Variants in PWWP3B observed in about 807,000 individuals in gnomAD.
PWWP3B encodes PWWP domain containing 3B.
Under a neutral mutation model 15.7 loss-of-function variants are expected in PWWP3B, and 5 were observed. That is an observed-to-expected ratio of 0.32 (90% CI 0.17 to 0.67). The LOEUF is 0.67. PWWP3B is among the 30% of genes least tolerant of loss of function. PWWP3B has a pLI of 0.74. For synonymous variants in PWWP3B, 203 were observed against 179.8 expected, an observed-to-expected ratio of 1.13 and a Z score of -1.03; for missense variants, 519 against 493.1, an observed-to-expected ratio of 1.05 and a Z score of -0.50.
chrX:106,205,453 A>G lies in PWWP3B; in HGVS notation c.21A>G (p.Leu7=), dbSNP rs186011816. 1,192 of 1,171,422 alleles carry G rather than the reference A, an allele frequency of 1.0e-3. 14 individuals are homozygous for G. In the African/African-American group the frequency reaches 0.018, roughly 17 times the overall value. Residue 7 remains leucine, a synonymous_variant, in exon 4 of 4, where the codon CTA becomes CTG. Transcript: ENST00000357175. ...CCATAATGGAGTCTGAGTATGTCCT[A>G]TGCAACTGGAAAGACCAGTTGTGGC... The part of the protein sequence containing the change: MESEYV[L]CNWKDQLWPA...
rs187800795 is a variant in PWWP3B, at chrX:106,197,302, A to G, written c.-400-6683A>G. 3.6e-5 allele frequency among the ~76,000 whole-genome samples: 4 copies of G among 111,697 alleles called. No individual in the cohort carries two copies. In the East Asian group the frequency reaches 1.1e-3, roughly 32 times the overall value. On this transcript the variant is annotated intron_variant, in intron 2 of 3. Transcript: ENST00000357175. Reference sequence around the variant, plus strand: ...CCCTTCTACTTCTCCCTGAGCAGCAATGGATCTCTGCCTTTGTCCTGGAAA... The same window carrying G: ...CCCTTCTACTTCTCCCTGAGCAGCAGTGGATCTCTGCCTTTGTCCTGGAAA...
chrX:106,193,336 GT>G (rs772046982), intron 2 of PWWP3B, among the ~76,000 whole-genome samples: 152 of 111,182 alleles, frequency 1.4e-3, no homozygotes, highest in African/African-American at 4.6e-3. Context: ...TTTAAAGTCT[GT>G]TTTATCCGAG....
rs1923854781 is a variant in PWWP3B at position 106,204,098 on chromosome X, G to A, written c.-287G>A. 1 of 111,905 alleles carries A rather than the reference G, an allele frequency of 8.9e-6. No individual in the cohort carries two copies. The highest frequency in any genetic ancestry group is 9.5e-5 in the Admixed American group (1 of 10,507). 9.2% of individuals were successfully genotyped at this position (111,905 alleles called of 1,213,427 possible). A position where few individuals can be genotyped will look rare whatever the true frequency, so the allele number is the denominator to read the frequency against. On this transcript the variant is annotated 5_prime_UTR_variant, in exon 3 of 4. Transcript: ENST00000357175. ...GCCGAGCTGGGTAAAGGCCCTGCTG[G>A]ACAAGCAGTTGGAGTGAGAATCAAG...
Position 106,207,589 on chromosome X carries a change from C to T in PWWP3B, c.*66C>T. ...ATACTAGTTGAAAAAAGTCTCTGAA[C>T]AATTCTCTCTAATACATATTTTCTG... On this transcript the variant is annotated 3_prime_UTR_variant, in exon 4 of 4. Coordinates refer to ENST00000357175, the MANE Select transcript of PWWP3B (RefSeq NM_001171020.2). The T allele has an allele frequency of 9.7e-7, 1 of 1,031,592 alleles. No individual in the cohort carries two copies. Among genetic ancestry groups the T allele is most frequent in the Non-Finnish European group, 1.3e-6 (1 of 785,057 alleles). The allele number at this position is 1,031,592 out of a possible 1,213,427, so 85.0% of individuals were successfully genotyped here. A position where few individuals can be genotyped will look rare whatever the true frequency, so the allele number is the denominator to read the frequency against.
At chrX:106,194,245 C>T (rs5962320) in intron 2 of PWWP3B, among the ~76,000 whole-genome samples, 18,105 of 110,675 alleles carry the variant, frequency 0.16, 3,677 homozygotes, top group African/African-American at 0.57. Context: ...CATTTCTTTT[C>T]ATTCTTTTTT....
chrX:106,169,395 A>G (rs1312258558), intron 1 of PWWP3B, among the ~76,000 whole-genome samples: 2 of 112,322 alleles, frequency 1.8e-5, no homozygotes, highest in East Asian at 5.5e-4. Context: ...GGGTTTGAGT[A>G]CTGATGATGT....
At chrX:106,175,421 T>C (rs1921850256) in intron 2 of PWWP3B, among the ~76,000 whole-genome samples, 1 of 108,518 alleles carries the variant, frequency 9.2e-6, no homozygotes, top group Non-Finnish European at 1.9e-5. Flanking sequence ...TTTGTATTTT[T>C]AGTAGAGACG....
intron 2 of PWWP3B, among the ~76,000 whole-genome samples, chrX:106,176,652 TA>T (rs1271510769): frequency 8.9e-6 from 1 of 112,731 alleles, no homozygotes; most frequent in Non-Finnish European, 1.9e-5. Flanking sequence ...TTTGTTCTTA[TA>T]TTTTCAAATT....
chrX:106,205,306 C>T lies in PWWP3B; in HGVS notation c.-127C>T. ...GAACAGGCCACACAAGCTGTAAACC[C>T]TTTGTAGTCATAAGACGAAAGAGGA... On this transcript the variant is annotated 5_prime_UTR_variant, in exon 4 of 4. Coordinates refer to ENST00000357175, the MANE Select transcript of PWWP3B (RefSeq NM_001171020.2). The T allele has an allele frequency of 1.5e-6, 1 of 664,813 alleles. No individual in the cohort carries two copies. Among genetic ancestry groups the T allele is most frequent in the Non-Finnish European group, 2.2e-6 (1 of 458,444 alleles). 54.8% of individuals were successfully genotyped at this position (664,813 alleles called of 1,213,427 possible). A position where few individuals can be genotyped will look rare whatever the true frequency, so the allele number is the denominator to read the frequency against.
intron 2 of PWWP3B, among the ~76,000 whole-genome samples, chrX:106,183,602 G>T (rs764881345): frequency 2.7e-5 from 3 of 112,223 alleles, no homozygotes; most frequent in African/African-American, 9.7e-5. Flanking sequence ...CATAAGAAAG[G>T]CATGTGAAAA....
chrX:106,183,829 G>A (rs1167938398), intron 2 of PWWP3B, among the ~76,000 whole-genome samples: 3 of 112,252 alleles, frequency 2.7e-5, no homozygotes, highest in African/African-American at 6.5e-5. Context: ...ATGAGCTGGC[G>A]CTTGTCCTGG....
At chrX:106,178,348 A>G (rs1287116937) in intron 2 of PWWP3B, among the ~76,000 whole-genome samples, 3 of 112,641 alleles carry the variant, frequency 2.7e-5, no homozygotes, top group Admixed American at 9.4e-5. Context: ...GACAAATGAA[A>G]GTATGAACTT....
chrX:106,192,633 TA>T (rs1287827947), intron 2 of PWWP3B, among the ~76,000 whole-genome samples: 1 of 110,926 alleles, frequency 9.0e-6, no homozygotes, highest in Non-Finnish European at 1.9e-5. Context: ...ATTGTGATGT[TA>T]GGTTGTCAAT....
In PWWP3B at chrX:106,205,375, A is replaced by G; in HGVS notation, c.-58A>G. 9.6e-7 allele frequency: 1 copy of G among 1,036,848 alleles called. No individual in the cohort carries two copies. The allele number at this position is 1,036,848 out of a possible 1,213,427, so 85.4% of individuals were successfully genotyped here. A position where few individuals can be genotyped will look rare whatever the true frequency, so the allele number is the denominator to read the frequency against. ...TTGGGTAGAACTTGCATTAGCAGTG[A>G]CAAAGATAGCCACCTCAACCTTTGG... On this transcript the variant is annotated 5_prime_UTR_variant, in exon 4 of 4. Coordinates refer to ENST00000357175, the MANE Select transcript of PWWP3B (RefSeq NM_001171020.2).
At chrX:106,202,821 TAAG>T (rs1448432059) in intron 2 of PWWP3B, among the ~76,000 whole-genome samples, 1 of 112,355 alleles carries the variant, frequency 8.9e-6, no homozygotes, top group Non-Finnish European at 1.9e-5. Flanking sequence ...TGTTCTCACT[TAAG>T]AATAAATATG....
chrX:106,199,402 G>GA (rs1158789702), intron 2 of PWWP3B, among the ~76,000 whole-genome samples: 2 of 111,241 alleles, frequency 1.8e-5, no homozygotes, highest in East Asian at 2.8e-4. Context: ...TCTAGTACTA[G>GA]AAAAAAAGAC....
chrX:106,196,448 A>G (rs996774889), intron 2 of PWWP3B, among the ~76,000 whole-genome samples: 2 of 111,840 alleles, frequency 1.8e-5, no homozygotes, highest in African/African-American at 6.5e-5. Flanking sequence ...GATGTCTTTA[A>G]TCAGGTTGAG....
chrX:106,182,552 C>T (rs1166770310), intron 2 of PWWP3B, among the ~76,000 whole-genome samples: 2 of 111,452 alleles, frequency 1.8e-5, no homozygotes, highest in Admixed American at 9.5e-5. Context: ...TTTTCATTTT[C>T]CCATACTAAT....
chrX:106,202,681 G>T (rs770806758), intron 2 of PWWP3B, among the ~76,000 whole-genome samples: 1 of 111,474 alleles, frequency 9.0e-6, no homozygotes, highest in African/African-American at 3.3e-5. Context: ...AGAGGATTTG[G>T]TTTATTTCTA....
Sources: allele counts gnomAD v4.1 joint callset (sites outside exome capture counted in the v4.1 genomes callset), GRCh38; gene constraint gnomAD v4.1.1; transcripts MANE v1.5; gene names NCBI Gene and HGNC (gene_info 2026-07-23, HGNC 2026-07-21).